CCL28: variants seen among roughly 807,000 people sequenced by gnomAD.
CCL28 encodes the protein C-C motif chemokine 28.
In CCL28, 4 loss-of-function variants were observed where a neutral mutation model predicts 7.1. The observed-to-expected ratio is 0.56, with a 90% CI of 0.28 to 1.29. The LOEUF (loss-of-function observed/expected upper bound fraction) is 1.29. Among genes scored for constraint, CCL28 ranks in the 50% most tolerant of loss-of-function variants. CCL28 has a pLI of 0.11. For synonymous variants in CCL28, 55 were observed against 57.8 expected, an observed-to-expected ratio of 0.95 and a Z score of 0.22; for missense variants, 151 against 163.4, an observed-to-expected ratio of 0.92 and a Z score of 0.41.
At chr5:43,388,709 GAA>G (rs1740441421) in intron 1 of CCL28, among the ~76,000 whole-genome samples, 1 of 152,186 alleles carries the variant, frequency 6.6e-6, no homozygotes, top group African/African-American at 2.4e-5. Context: ...TGAAAGAGAT[GAA>G]AAGAGTTACA....
At chr5:43,389,246 T>C (rs373160004) in intron 1 of CCL28, among the ~76,000 whole-genome samples, 3 of 152,236 alleles carry the variant, frequency 2.0e-5, no homozygotes, top group African/African-American at 7.2e-5. Flanking sequence ...TGTGAATATA[T>C]TGAAGACCAC....
chr5:43,398,190 C>T (rs544488255), intron 1 of CCL28, among the ~76,000 whole-genome samples: 2 of 151,596 alleles, frequency 1.3e-5, no homozygotes, highest in Admixed American at 6.6e-5. Flanking sequence ...GCCCTCAGGG[C>T]GCCTACAATT....
chr5:43,369,940 A>G, the CCL28 span, among the ~76,000 whole-genome samples: 1 of 152,224 alleles, frequency 6.6e-6, no homozygotes, highest in Non-Finnish European at 1.5e-5. Flanking sequence ...TACTAGAGAT[A>G]GTATGGGAAG....
At chr5:43,376,415 A>G (rs1342347086), downstream of CCL28, among the ~76,000 whole-genome samples, 1 of 152,228 alleles carries the variant, frequency 6.6e-6, no homozygotes, top group African/African-American at 2.4e-5. Context: ...GCCCCCCACA[A>G]CAAAGAATTA....
intron 1 of CCL28, among the ~76,000 whole-genome samples, chr5:43,411,897 G>T (rs996033206): frequency 6.6e-6 from 1 of 152,204 alleles, no homozygotes; most frequent in African/African-American, 2.4e-5. Flanking sequence ...AGCAGGTTGG[G>T]GTGTGGAGGA....
At chr5:43,409,811 G>C (rs960793485) in intron 1 of CCL28, among the ~76,000 whole-genome samples, 1 of 152,052 alleles carries the variant, frequency 6.6e-6, no homozygotes, top group Admixed American at 6.6e-5. Flanking sequence ...CTAGATTGTG[G>C]GTTTAAATAA....
intron 1 of CCL28, among the ~76,000 whole-genome samples, chr5:43,402,844 C>T (rs1167107621): frequency 6.6e-6 from 1 of 152,228 alleles, no homozygotes; most frequent in African/African-American, 2.4e-5. Flanking sequence ...TCTTAGCAAA[C>T]GGCACACCAG....
At chr5:43,409,226 G>A (rs1329195133) in intron 1 of CCL28, among the ~76,000 whole-genome samples, 1 of 152,158 alleles carries the variant, frequency 6.6e-6, no homozygotes, top group Non-Finnish European at 1.5e-5. Flanking sequence ...AGGAGTTTGA[G>A]ACCAGCCTGG....
At chr5:43,367,883 A>G in the CCL28 span, among the ~76,000 whole-genome samples, 12 of 152,330 alleles carry the variant, frequency 7.9e-5, no homozygotes, top group Admixed American at 4.6e-4. Flanking sequence ...TTGTTAGCCC[A>G]TAAAGTCTAG....
the CCL28 span, among the ~76,000 whole-genome samples, chr5:43,368,853 G>A: frequency 4.6e-5 from 7 of 151,996 alleles, no homozygotes; most frequent in African/African-American, 9.7e-5. Flanking sequence ...GAACCAACCC[G>A]GTTGATACCT....
intron 2 of CCL28, among the ~76,000 whole-genome samples, chr5:43,384,262 T>C (rs1204409246): frequency 6.6e-6 from 1 of 151,940 alleles, no homozygotes; most frequent in East Asian, 1.9e-4. Context: ...GACAGAGGAT[T>C]CAGAAAGGTG....
At chr5:43,374,999 C>CT (rs915423515), downstream of CCL28, among the ~76,000 whole-genome samples, 11 of 151,596 alleles carry the variant, frequency 7.3e-5, no homozygotes, top group East Asian at 1.6e-3. Flanking sequence ...TTTTTCTTTT[C>CT]TTTTTTTTGA....
the CCL28 span, among the ~76,000 whole-genome samples, chr5:43,366,883 G>A: frequency 1.2e-4 from 19 of 152,340 alleles, no homozygotes; most frequent in Middle Eastern, 3.4e-3. Flanking sequence ...TGGCTACAGC[G>A]GCTTTGCTGA....
the CCL28 span, among the ~76,000 whole-genome samples, chr5:43,363,486 G>C: frequency 6.6e-6 from 1 of 152,180 alleles, no homozygotes; most frequent in South Asian, 2.1e-4. Context: ...GAAGCACATA[G>C]GCTCAGATTC....
chr5:43,383,086 G>A (rs758807360), intron 2 of CCL28, among the ~76,000 whole-genome samples: 2 of 152,084 alleles, frequency 1.3e-5, no homozygotes, highest in African/African-American at 2.4e-5. Context: ...CCGAAGTGCT[G>A]GAATTACAGA....
downstream of CCL28, among the ~76,000 whole-genome samples, chr5:43,375,681 A>C (rs1579713889): frequency 2.6e-5 from 4 of 152,292 alleles, no homozygotes; most frequent in Middle Eastern, 6.8e-3. Context: ...TGATAAAGGC[A>C]AGAATAGTAG....
intron 1 of CCL28, among the ~76,000 whole-genome samples, chr5:43,392,396 T>C (rs997799352): frequency 2.0e-5 from 3 of 152,150 alleles, no homozygotes; most frequent in South Asian, 2.1e-4. Context: ...AGATTACAGG[T>C]GTGAGCCACC....
At chr5:43,357,575 C>T in the CCL28 span, among the ~76,000 whole-genome samples, 1 of 152,100 alleles carries the variant, frequency 6.6e-6, no homozygotes, top group African/African-American at 2.4e-5. Context: ...TGATCAAGCT[C>T]CCAAATTCTT....
At chr5:43,400,041 G>T (rs573929980) in intron 1 of CCL28, among the ~76,000 whole-genome samples, 48 of 151,850 alleles carry the variant, frequency 3.2e-4, no homozygotes, top group Non-Finnish European at 6.6e-4. Context: ...GAAACAGGGT[G>T]TTGTATGTTA....
Sources: gnomAD v4.1 joint callset for allele counts (sites outside exome capture counted in the v4.1 genomes callset) on GRCh38, gnomAD v4.1.1 for gene constraint, MANE v1.5 for transcripts, NCBI Gene and HGNC (gene_info 2026-07-23, HGNC 2026-07-21) for gene names.